OTOG: variants seen among roughly 807,000 people sequenced by gnomAD.
The protein encoded by OTOG is otogelin.
A neutral mutation model predicts 313.8 loss-of-function variants in OTOG; 296 were observed. The ratio of observed to expected loss-of-function variants is 0.94; its 90% CI spans 0.86 to 1.04. The LOEUF (loss-of-function observed/expected upper bound fraction) is 1.04. OTOG is among the 50% of genes least tolerant of loss of function. The pLI, the probability that OTOG is intolerant of heterozygous loss-of-function variation, is 0.00. For missense variants in OTOG, 3,948 were observed against 3,840.1 expected (o/e 1.03, Z -0.74); for synonymous variants, 1,533 against 1,554.9 (o/e 0.99, Z 0.33).
intron 31 of OTOG, among the ~76,000 whole-genome samples, chr11:17,601,164 G>T (rs1351052270): frequency 6.6e-6 from 1 of 152,178 alleles, no homozygotes; most frequent in Non-Finnish European, 1.5e-5. Context: ...CATCTAGTGG[G>T]GGTGACAGAT....
chr11:17,569,531 A>G (rs147714919), intron 16 of OTOG, among the ~76,000 whole-genome samples: 74 of 152,306 alleles, frequency 4.9e-4, no homozygotes, highest in African/African-American at 1.6e-3. Context: ...GAACATATAC[A>G]TGGGTGTTTC....
At chr11:17,571,461 T>C (rs1416019454) in intron 17 of OTOG, among the ~76,000 whole-genome samples, 1 of 152,168 alleles carries the variant, frequency 6.6e-6, no homozygotes, top group Non-Finnish European at 1.5e-5. Flanking sequence ...TCTTGGAGAC[T>C]TGTGATGCCT....
rs1486331879 is a variant in OTOG at position 17,613,489 on chromosome 11, G to C, written c.6439-123G>C. The C allele has an allele frequency of 5.1e-6, 4 of 786,900 alleles. No homozygotes were observed. The East Asian group carries it at 1.1e-4, about 21-fold the overall frequency. The allele number at this position is 786,900 out of a possible 1,614,324, so 48.7% of individuals were successfully genotyped here. A position where few individuals can be genotyped will look rare whatever the true frequency, so the allele number is the denominator to read the frequency against. On this transcript the variant is annotated intron_variant, in intron 38 of 55. Coordinates refer to ENST00000399397, the MANE Select transcript of OTOG (RefSeq NM_001292063.2). ...GGGCACCATCAGCCCAGCCTGATGG[G>C]AGCCCCTGGCATAGTGCAGGGGGTA...
Position 17,574,709 on chromosome 11 carries a change from CCT to C in OTOG, c.2294-9_2294-8del. ...GGAGACAAAGCATGCACCACTCCCCCCTCACTGCAGCACTGTCCTGTGAGGCC... is the reference window on the plus strand; with the variant it reads ...GGAGACAAAGCATGCACCACTCCCCCCACTGCAGCACTGTCCTGTGAGGCC... On this transcript the variant is annotated splice_polypyrimidine_tract_variant and intron_variant, in intron 19 of 55. Transcript: ENST00000399397. 2 of 1,548,016 alleles carry C rather than the reference CCT, an allele frequency of 1.3e-6. No individual in the cohort carries two copies. Among genetic ancestry groups the C allele is most frequent in the Non-Finnish European group, 1.7e-6 (2 of 1,145,662 alleles).
intron 39 of OTOG, among the ~76,000 whole-genome samples, chr11:17,615,595 G>C (rs1853699348): frequency 6.6e-6 from 1 of 152,168 alleles, no homozygotes; most frequent in Non-Finnish European, 1.5e-5. Context: ...ATTTTTCGAA[G>C]AGACTATTCT....
At chr11:17,615,833 C>T (rs766782671) in intron 39 of OTOG, among the ~76,000 whole-genome samples, 78 of 152,070 alleles carry the variant, frequency 5.1e-4, no homozygotes, top group South Asian at 1.2e-3. Context: ...GAGGCTGAGG[C>T]AGGAAAATCA....
chr11:17,638,756 G>A, intron 48 of OTOG: 1 of 1,540,440 alleles, frequency 6.5e-7, no homozygotes, highest in Non-Finnish European at 8.8e-7. Flanking sequence ...TAGGATAAAA[G>A]AAGGAAAAAG....
rs1852374679 is a variant in OTOG, at chr11:17,570,251, C to T, written c.1816C>T (p.Arg606Trp). 9 of 1,550,814 alleles carry T rather than the reference C, an allele frequency of 5.8e-6. No individual in the cohort carries two copies. In the East Asian group the frequency reaches 7.3e-5, roughly 13 times the overall value. ...CCGTAGGCTGTCCTCCGTGTTCCTG[C>T]GGGTGAGGACGAACGTGGGCGTGCG... is the stretch of plus-strand genomic sequence containing the variant. ...EIRRLSSVFL[R>W]VRTNVGVRVL... The change falls in exon 17 of 56, where the codon CGG becomes TGG. Residue 606 changes from arginine (R) to tryptophan (W), a missense_variant. Transcript: ENST00000399397.
At chr11:17,553,244 G>A (rs1330239422) in intron 5 of OTOG, 33 bp downstream of exon 5, 2 of 1,545,278 alleles carry the variant, frequency 1.3e-6, no homozygotes, top group Admixed American at 2.0e-5. Context: ...CCCCAGGAAG[G>A]GACCTGGGTG....
At chr11:17,553,248 C>T in intron 5 of OTOG, 37 bp downstream of exon 5, 1 of 1,546,026 alleles carries the variant, frequency 6.5e-7, no homozygotes, top group South Asian at 1.2e-5. Flanking sequence ...AGGAAGGGAC[C>T]TGGGTGCAGG....
At chr11:17,580,729 G>T (rs935379490) in intron 23 of OTOG, among the ~76,000 whole-genome samples, 11 of 152,174 alleles carry the variant, frequency 7.2e-5, no homozygotes, top group Non-Finnish European at 1.6e-4. Flanking sequence ...GGAGAGAGGG[G>T]CAAGAAACCA....
intron 39 of OTOG, among the ~76,000 whole-genome samples, chr11:17,621,853 A>G (rs1348846190): frequency 6.6e-6 from 1 of 152,192 alleles, no homozygotes; most frequent in Admixed American, 6.5e-5. Context: ...GTTGTTTTAT[A>G]TATTTTGTCA....
intron 23 of OTOG, among the ~76,000 whole-genome samples, chr11:17,584,153 T>C (rs1333347569): frequency 1.3e-5 from 2 of 152,264 alleles, no homozygotes; most frequent in East Asian, 1.9e-4. Flanking sequence ...ACTGACCTTG[T>C]ATTCTGCAAT....
intron 4 of OTOG, among the ~76,000 whole-genome samples, chr11:17,552,645 C>T (rs187273225): frequency 6.6e-6 from 1 of 152,372 alleles, no homozygotes; most frequent in East Asian, 1.9e-4. Context: ...CCTCGCTGCC[C>T]TCTGCTCTGC....
At position 17,607,633 on chromosome 11, in the gene OTOG, G is replaced by T. The variant is rs531684123; in HGVS notation, c.4157-663G>T. Among the ~76,000 whole-genome samples, 4 of 152,340 alleles carry T rather than the reference G, an allele frequency of 2.6e-5. No individual in the cohort carries two copies. In the East Asian group the frequency reaches 5.8e-4, roughly 22 times the overall value. On this transcript the variant is annotated intron_variant, in intron 33 of 55. Coordinates refer to ENST00000399397, the MANE Select transcript of OTOG (RefSeq NM_001292063.2). ...GTGCTGTTTAAGAGTTAGCCCAGCCGCCAGGGCAGTGAGGGTGGTGCTCAC... is the reference window on the plus strand; with the variant it reads ...GTGCTGTTTAAGAGTTAGCCCAGCCTCCAGGGCAGTGAGGGTGGTGCTCAC...
In OTOG at chr11:17,570,372, A is replaced by G. The variant is rs972339718; in HGVS notation, c.1937A>G (p.Asn646Ser). The G allele has an allele frequency of 5.2e-6, 8 of 1,550,506 alleles. No homozygotes were observed. In the African/African-American group the frequency reaches 8.2e-5, roughly 16 times the overall value. Residue 646 changes from asparagine (N) to serine (S), a missense_variant, in exon 17 of 56, where the codon AAC becomes AGC. Coordinates refer to ENST00000399397, the MANE Select transcript of OTOG (RefSeq NM_001292063.2). ...GGCCTCTGCGGCACCTTCAATGGCA[A>G]CACGCAGGATGACTTCCTGTACGTA... ...TVGLCGTFNG[N>S]TQDDFLSPVG... is the part of the protein sequence containing the mutation.
intron 40 of OTOG, among the ~76,000 whole-genome samples, chr11:17,631,397 G>GA (rs1854123126): frequency 7.1e-6 from 1 of 140,624 alleles, no homozygotes; most frequent in African/African-American, 2.8e-5. Context: ...TGTGGGGGGG[G>GA]GTATACATTT....
At position 17,586,593 on chromosome 11, in the gene OTOG, T is replaced by C. The variant is rs942590705; in HGVS notation, c.2867+12T>C. ...CCTTGCCATACCTGGTAAGTGAGGG[T>C]CCCAAGCAGGCTTTGCTTTTTTGCT... On this transcript the variant is annotated intron_variant, in intron 24 of 55. Coordinates refer to ENST00000399397, the MANE Select transcript of OTOG (RefSeq NM_001292063.2). 12 of 1,353,574 alleles carry C rather than the reference T, an allele frequency of 8.9e-6. No individual in the cohort carries two copies. Among genetic ancestry groups the C allele is most frequent in the Non-Finnish European group, 1.1e-5 (11 of 1,043,016 alleles). 83.8% of individuals were successfully genotyped at this position (1,353,574 alleles called of 1,614,324 possible). A position where few individuals can be genotyped will look rare whatever the true frequency, so the allele number is the denominator to read the frequency against.
chr11:17,553,979 C>T (rs904414132), intron 6 of OTOG, among the ~76,000 whole-genome samples: 6 of 152,104 alleles, frequency 3.9e-5, no homozygotes, highest in African/African-American at 1.4e-4. Context: ...AGGATGGTGA[C>T]CTGGGAAAGC....
Sources: gnomAD v4.1 joint callset for allele counts (sites outside exome capture counted in the v4.1 genomes callset) on GRCh38, gnomAD v4.1.1 for gene constraint, MANE v1.5 for transcripts, NCBI Gene and HGNC (gene_info 2026-07-23, HGNC 2026-07-21) for gene names.